ZMAT4: variants seen among roughly 807,000 people sequenced by gnomAD.
ZMAT4 encodes the protein zinc finger matrin-type protein 4.
ZMAT4 carries 17 observed loss-of-function variants against 28.7 expected under a neutral mutation model. That is an observed-to-expected ratio of 0.59 (90% CI 0.41 to 0.89). The LOEUF is 0.89. Ranked by LOEUF, ZMAT4 falls within the 40% of genes least tolerant of loss-of-function variation. The pLI is 0.00. For missense variants in ZMAT4, 240 were observed against 283.8 expected (o/e 0.85, Z 1.11); for synonymous variants, 117 against 109.2 (o/e 1.07, Z -0.44).
At chr8:40,773,771 A>G (rs1813482448) in intron 2 of ZMAT4, among the ~76,000 whole-genome samples, 1 of 152,170 alleles carries the variant, frequency 6.6e-6, no homozygotes, top group African/African-American at 2.4e-5. Context: ...TTTCACTTTA[A>G]TAGCAGAATC....
At position 40,645,576 on chromosome 8, in the gene ZMAT4, TG is replaced by T. The variant is rs1807264769; in HGVS notation, c.577+29127del. On this transcript the variant is annotated intron_variant, in intron 5 of 6. Transcript: ENST00000297737. Reference sequence around the variant, plus strand: ...CTTTATGTCCAGCCATATTGTTGCCTGGGGAAAAGAATTCTTAGCCTAAAAA... The same window carrying T: ...CTTTATGTCCAGCCATATTGTTGCCTGGGAAAAGAATTCTTAGCCTAAAAA... Among the ~76,000 whole-genome samples, 3 of 152,272 alleles carry T rather than the reference TG, an allele frequency of 2.0e-5. No homozygotes were observed. The South Asian group carries it at 6.2e-4, about 32-fold the overall frequency.
intron 1 of ZMAT4, among the ~76,000 whole-genome samples, chr8:40,882,416 G>A (rs867688308): frequency 2.6e-5 from 4 of 152,094 alleles, no homozygotes; most frequent in African/African-American, 4.8e-5. Flanking sequence ...TCCAAAGAAC[G>A]CAAAAACCCT....
chr8:40,655,016 G>A (rs1182481730), intron 5 of ZMAT4, among the ~76,000 whole-genome samples: 2 of 148,638 alleles, frequency 1.3e-5, no homozygotes, highest in Admixed American at 1.4e-4. Context: ...CTCTCTATTG[G>A]GAGATAACAT....
In ZMAT4 at chr8:40,754,116, G is replaced by A. The variant is rs918675147; in HGVS notation, c.192+13525C>T. On this transcript the variant is annotated intron_variant, in intron 3 of 6. Transcript: ENST00000297737. ...GAACCCGGGAGGCAGAGGCTGCAGT[G>A]CGCCGAGATCACGCCACTGCACTCC... Among the ~76,000 whole-genome samples, 7 of 151,800 alleles carry A rather than the reference G, an allele frequency of 4.6e-5. No individual in the cohort carries two copies. The South Asian group carries it at 1.5e-3, about 32-fold the overall frequency.
intron 2 of ZMAT4, among the ~76,000 whole-genome samples, chr8:40,820,719 G>A (rs1258076869): frequency 2.7e-3 from 2 of 738 alleles, no homozygotes; most frequent in Non-Finnish European, 5.4e-3. Context: ...GTATGGGTAC[G>A]TGTGTATGTC....
At chr8:40,832,999 C>T (rs1181657213) in intron 1 of ZMAT4, among the ~76,000 whole-genome samples, 1 of 152,164 alleles carries the variant, frequency 6.6e-6, no homozygotes. Flanking sequence ...CTCCCTTTCC[C>T]CTGCCACTGT....
chr8:40,727,464 A>C (rs1205071116), intron 3 of ZMAT4, among the ~76,000 whole-genome samples: 1 of 152,186 alleles, frequency 6.6e-6, no homozygotes, highest in Non-Finnish European at 1.5e-5. Context: ...TCCAACCACG[A>C]TGCCACCCGT....
intron 1 of ZMAT4, among the ~76,000 whole-genome samples, chr8:40,878,388 G>GA (rs566311014): frequency 1.6e-4 from 25 of 151,714 alleles, no homozygotes; most frequent in African/African-American, 2.4e-4. Flanking sequence ...TGCACTAAAA[G>GA]AAAAAAAACA....
chr8:40,718,252 C>T (rs1383301367), intron 3 of ZMAT4, among the ~76,000 whole-genome samples: 1 of 152,212 alleles, frequency 6.6e-6, no homozygotes, highest in African/African-American at 2.4e-5. Context: ...GGGCAGTGAC[C>T]AGTCTGCGTC....
chr8:40,567,719 G>GAACAAAAA (rs1406839993), intron 6 of ZMAT4, among the ~76,000 whole-genome samples: 2 of 144,010 alleles, frequency 1.4e-5, no homozygotes, highest in Admixed American at 7.2e-5. Context: ...AAAAAAGAAA[G>GAACAAAAA]AACAAAAAAA....
At chr8:40,883,773 G>A (rs1818359049) in intron 1 of ZMAT4, among the ~76,000 whole-genome samples, 1 of 152,136 alleles carries the variant, frequency 6.6e-6, no homozygotes, top group African/African-American at 2.4e-5. Context: ...GACTTCTGAG[G>A]AGGGTTATTA....
chr8:40,557,390 C>A (rs1015313352), intron 6 of ZMAT4, among the ~76,000 whole-genome samples: 5 of 152,148 alleles, frequency 3.3e-5, no homozygotes, highest in Admixed American at 2.6e-4. Context: ...ATGTCTCAGG[C>A]TTATGTCTTT....
chr8:40,696,596 A>G (rs930526326), intron 4 of ZMAT4, among the ~76,000 whole-genome samples: 3 of 152,172 alleles, frequency 2.0e-5, no homozygotes, highest in African/African-American at 4.8e-5. Context: ...ATTTTAGTTA[A>G]GCAATTAGAA....
intron 4 of ZMAT4, among the ~76,000 whole-genome samples, chr8:40,688,783 C>T (rs893666784): frequency 5.3e-5 from 8 of 152,186 alleles, no homozygotes; most frequent in Non-Finnish European, 7.4e-5. Flanking sequence ...AGTAACCTAT[C>T]GAGAAATTAG....
intron 3 of ZMAT4, among the ~76,000 whole-genome samples, chr8:40,715,949 C>T (rs959077302): frequency 5.3e-5 from 8 of 152,236 alleles, no homozygotes; most frequent in East Asian, 1.9e-4. Flanking sequence ...AGCCTATAAG[C>T]GCCTGTGGTT....
At chr8:40,594,949 G>A (rs1030687579) in intron 5 of ZMAT4, among the ~76,000 whole-genome samples, 1 of 152,168 alleles carries the variant, frequency 6.6e-6, no homozygotes, top group African/African-American at 2.4e-5. Context: ...AACATTACAC[G>A]AACATCTTCT....
At chr8:40,865,550 A>ACATCCATCTG (rs1817646797) in intron 1 of ZMAT4, among the ~76,000 whole-genome samples, 1 of 152,236 alleles carries the variant, frequency 6.6e-6, no homozygotes, top group South Asian at 2.1e-4. Flanking sequence ...ATGACCATCA[A>ACATCCATCTG]CATCCATCTG....
At chr8:40,613,532 A>T (rs1401664159) in intron 5 of ZMAT4, among the ~76,000 whole-genome samples, 1 of 151,874 alleles carries the variant, frequency 6.6e-6, no homozygotes, top group Non-Finnish European at 1.5e-5. Context: ...TTTGTCCAAC[A>T]TTTGTATATT....
chr8:40,556,178 C>T (rs1375997892), intron 6 of ZMAT4, among the ~76,000 whole-genome samples: 1 of 152,124 alleles, frequency 6.6e-6, no homozygotes, highest in Non-Finnish European at 1.5e-5. Flanking sequence ...TTCTACCTAG[C>T]ACCCATGCTC....
Sources: gnomAD v4.1 joint callset for allele counts (sites outside exome capture counted in the v4.1 genomes callset) on GRCh38, gnomAD v4.1.1 for gene constraint, MANE v1.5 for transcripts, NCBI Gene and HGNC (gene_info 2026-07-23, HGNC 2026-07-21) for gene names.